The following FANK1 variants were observed in gnomAD, a reference collection of about 807,000 sequenced individuals.
FANK1 encodes the protein fibronectin type 3 and ankyrin repeat domains protein 1.
In FANK1, 44 loss-of-function variants were observed where a neutral mutation model predicts 45.3. That is an observed-to-expected ratio of 0.97 (90% confidence interval 0.76 to 1.25). The LOEUF (loss-of-function observed/expected upper bound fraction) is 1.25, where lower values mean the gene tolerates loss of function less well. Ranked by LOEUF, FANK1 falls within the 50% of genes most tolerant of loss-of-function variation. The pLI is 0.00. For synonymous variants in FANK1, 149 were observed against 152.5 expected, an observed-to-expected ratio of 0.98 and a Z score of 0.17; for missense variants, 391 against 424.4, an observed-to-expected ratio of 0.92 and a Z score of 0.69.
At chr10:125,977,230 C>T (rs1359327411) in intron 1 of FANK1, among the ~76,000 whole-genome samples, 1 of 152,094 alleles carries the variant, frequency 6.6e-6, no homozygotes, top group African/African-American at 2.4e-5. Flanking sequence ...TGTGGGTGTT[C>T]CTTTAATGTA....
intron 1 of FANK1, among the ~76,000 whole-genome samples, chr10:125,931,014 A>G (rs555071068): frequency 1.5e-3 from 235 of 152,268 alleles, no homozygotes; most frequent in African/African-American, 5.2e-3. Flanking sequence ...ATAGTCTCCA[A>G]TCTCATCCAG....
In FANK1 at chr10:125,989,303, G is replaced by A. The variant is rs578135024; in HGVS notation, c.316+628G>A. 352 of 1,550,700 alleles carry A rather than the reference G, an allele frequency of 2.3e-4. 1 individual carries two copies. Among genetic ancestry groups the A allele is most frequent in the Middle Eastern group, 3.3e-4 (2 of 5,994 alleles). Reference sequence around the variant, plus strand: ...AGGGCCATCTCTGAGCAAGAGCCTTGTAAAAATTAGGATGGTCACAAGTGT... The same window carrying A: ...AGGGCCATCTCTGAGCAAGAGCCTTATAAAAATTAGGATGGTCACAAGTGT... On this transcript the variant is annotated intron_variant, in intron 3 of 10. Transcript: ENST00000368693.
chr10:125,981,656 A>G (rs187099484), intron 2 of FANK1, among the ~76,000 whole-genome samples: 179 of 152,306 alleles, frequency 1.2e-3, no homozygotes, highest in Admixed American at 3.9e-3. Flanking sequence ...TTTTAGTGAA[A>G]CTTTTAATTT....
At chr10:125,947,409 A>G (rs992048944) in intron 1 of FANK1, among the ~76,000 whole-genome samples, 26 of 149,966 alleles carry the variant, frequency 1.7e-4, no homozygotes, top group African/African-American at 5.9e-4. Flanking sequence ...AAATAAAAGG[A>G]TGGAGGAAGA....
At chr10:125,960,247 C>T in intron 1 of FANK1, 1 of 295,658 alleles carries the variant, frequency 3.4e-6, no homozygotes, top group South Asian at 3.5e-5. Flanking sequence ...TTACTTCCTG[C>T]TGGAACACTG....
At position 125,995,436 on chromosome 10, in the gene FANK1, G is replaced by A. The variant is rs1952254101; in HGVS notation, c.336G>A (p.Glu112=). Reference sequence around the variant, plus strand: ...CTCCAGGAGAGCCCATAAGTAGTGAGCACTTGCACCGGGCTGTCAGTGTGA... The same window carrying A: ...CTCCAGGAGAGCCCATAAGTAGTGAACACTTGCACCGGGCTGTCAGTGTGA... ...VSTTREPISS[E]HLHRAVSVND... Residue 112 remains glutamate, a synonymous_variant, in exon 4 of 11, where the codon GAG becomes GAA. Coordinates refer to ENST00000368693, the MANE Select transcript of FANK1 (RefSeq NM_145235.5). 6.2e-7 allele frequency: 1 copy of A among 1,614,068 alleles called. No individual in the cohort carries two copies. The highest frequency in any genetic ancestry group is 1.7e-5 in the Admixed American group (1 of 60,002).
At chr10:125,956,836 C>T (rs759541787) in intron 1 of FANK1, among the ~76,000 whole-genome samples, 5 of 152,056 alleles carry the variant, frequency 3.3e-5, no homozygotes, top group East Asian at 1.9e-4. Flanking sequence ...ATAATAAGGG[C>T]GAGTTCGGGG....
intron 3 of FANK1, 172 bp downstream of exon 3, chr10:125,988,847 G>A (rs1413226160): frequency 2.0e-6 from 2 of 1,021,046 alleles, no homozygotes; most frequent in Non-Finnish European, 1.5e-6. Flanking sequence ...TGTAATGTCA[G>A]GGAAGTCTAA....
chr10:125,926,949 G>T (rs1260039043), intron 1 of FANK1, among the ~76,000 whole-genome samples: 1 of 152,202 alleles, frequency 6.6e-6, no homozygotes, highest in Non-Finnish European at 1.5e-5. Flanking sequence ...TTTTCACCTA[G>T]TTAACACCTA....
At chr10:125,924,297 A>G (rs2134133372) in intron 1 of FANK1, among the ~76,000 whole-genome samples, 1 of 142,522 alleles carries the variant, frequency 7.0e-6, no homozygotes, top group Non-Finnish European at 1.5e-5. Context: ...CTCTTTCACC[A>G]GGCTGGAGTG....
At position 126,008,161 on chromosome 10, in the gene FANK1, T is replaced by A. The variant is rs113660359; in HGVS notation, c.706-246T>A. ...TCCCCAGGGGCCAAGTGGAAAGTAG[T>A]TCAGTTAACTTTTCTAGCCCATCTT... is the stretch of plus-strand genomic sequence containing the variant. On this transcript the variant is annotated intron_variant, in intron 7 of 10. Coordinates refer to ENST00000368693, the MANE Select transcript of FANK1 (RefSeq NM_145235.5). 7.4e-3 allele frequency among the ~76,000 whole-genome samples: 1,128 copies of A among 152,138 alleles called. 14 individuals are homozygous for A. The highest frequency in any genetic ancestry group is 0.023 in the African/African-American group (967 of 41,488).
At chr10:125,930,773 G>GT (rs1947701478) in intron 1 of FANK1, among the ~76,000 whole-genome samples, 1 of 152,094 alleles carries the variant, frequency 6.6e-6, no homozygotes, top group African/African-American at 2.4e-5. Flanking sequence ...GGTTACATGA[G>GT]TAAGTTCTTT....
intron 1 of FANK1, among the ~76,000 whole-genome samples, chr10:125,935,583 T>C (rs1417086275): frequency 6.6e-6 from 1 of 152,186 alleles, no homozygotes; most frequent in Non-Finnish European, 1.5e-5. Flanking sequence ...AAAAGAATGC[T>C]GATTATAAAC....
chr10:125,933,439 C>G (rs1421446156), intron 1 of FANK1, among the ~76,000 whole-genome samples: 1 of 152,014 alleles, frequency 6.6e-6, no homozygotes, highest in African/African-American at 2.4e-5. Context: ...TCACAGTAGC[C>G]TTGAATGAGC....
chr10:125,955,981 A>G (rs1949547916), intron 1 of FANK1, among the ~76,000 whole-genome samples: 2 of 152,182 alleles, frequency 1.3e-5, no homozygotes, highest in Non-Finnish European at 1.5e-5. Flanking sequence ...AGTCAACGGA[A>G]CTATGACTCA....
At chr10:125,994,107 G>A (rs550202391) in intron 3 of FANK1, among the ~76,000 whole-genome samples, 22 of 152,012 alleles carry the variant, frequency 1.4e-4, no homozygotes, top group Non-Finnish European at 2.6e-4. Flanking sequence ...TTTCTGGGCC[G>A]GACCATAAGA....
At position 125,931,284 on chromosome 10, in the gene FANK1, A is replaced by G. The variant is rs141270297; in HGVS notation, c.13+34629A>G. Reference sequence around the variant, plus strand: ...AGTTCTACTTTTAGTTCTTTAAGGAATCTCCACACTGTTTTCCATAGTGGT... The same window carrying G: ...AGTTCTACTTTTAGTTCTTTAAGGAGTCTCCACACTGTTTTCCATAGTGGT... On this transcript the variant is annotated intron_variant, in intron 1 of 10. Coordinates refer to ENST00000368693, the MANE Select transcript of FANK1 (RefSeq NM_145235.5). 3.5e-3 allele frequency among the ~76,000 whole-genome samples: 535 copies of G among 152,288 alleles called. 3 individuals are homozygous for G. Among genetic ancestry groups the G allele is most frequent in the African/African-American group, 0.012 (516 of 41,538 alleles).
chr10:125,896,761 T>C, intron 1 of FANK1, 106 bp downstream of exon 1: 1 of 1,243,022 alleles, frequency 8.0e-7, no homozygotes, highest in Non-Finnish European at 1.0e-6. Context: ...GTTTCAACGC[T>C]CGGACACGGA....
At chr10:125,987,107 C>T (rs1202684755) in intron 2 of FANK1, among the ~76,000 whole-genome samples, 1 of 152,066 alleles carries the variant, frequency 6.6e-6, no homozygotes, top group Non-Finnish European at 1.5e-5. Context: ...CTCAGTTGTC[C>T]CTTCTTCACT....
Sources: gnomAD v4.1 joint callset for allele counts (sites outside exome capture counted in the v4.1 genomes callset) on GRCh38, gnomAD v4.1.1 for gene constraint, MANE v1.5 for transcripts, NCBI Gene and HGNC (gene_info 2026-07-23, HGNC 2026-07-21) for gene names.